Variants in CAMTA1 observed in about 807,000 individuals in gnomAD.
CAMTA1 encodes the protein calmodulin binding transcription activator 1.
CAMTA1 carries 27 observed loss-of-function variants against 170.9 expected under a neutral mutation model. That is an observed-to-expected ratio of 0.16 (90% CI 0.12 to 0.22). The LOEUF is 0.22. CAMTA1 is among the 10% of genes least tolerant of loss of function. The probability of loss-of-function intolerance (pLI) is 1.00; values close to 1 mark genes in which losing one functional copy is unlikely to be tolerated. For synonymous variants in CAMTA1, 833 were observed against 891.5 expected (o/e 0.93, Z 1.17); for missense variants, 1,619 against 2,217.2 (o/e 0.73, Z 5.42).
At chr1:7,413,961 C>T (rs1429960932) in intron 5 of CAMTA1, among the ~76,000 whole-genome samples, 1 of 152,174 alleles carries the variant, frequency 6.6e-6, no homozygotes, top group East Asian at 1.9e-4. Flanking sequence ...GAGCTTTTAG[C>T]ATGAAGGGTT....
intron 3 of CAMTA1, among the ~76,000 whole-genome samples, chr1:6,900,564 A>C (rs61451270): frequency 0.017 from 2,662 of 152,262 alleles, 67 homozygotes; most frequent in African/African-American, 0.06. Context: ...ATAAAAAAAA[A>C]CCCAAGCACC....
intron 3 of CAMTA1, among the ~76,000 whole-genome samples, chr1:7,068,385 T>C (rs1709233423): frequency 1.3e-5 from 2 of 151,896 alleles, no homozygotes; most frequent in African/African-American, 4.8e-5. Flanking sequence ...TAAACGCTTA[T>C]TGAGTTGAAT....
rs1230456052 is a variant in CAMTA1 at position 7,682,351 on chromosome 1, C to T, written c.2914+4618C>T. Among the ~76,000 whole-genome samples the T allele has an allele frequency of 6.6e-6, 1 of 152,356 alleles. No individual in the cohort carries two copies. Among genetic ancestry groups the T allele is most frequent in the East Asian group, 1.9e-4 (1 of 5,184 alleles). Reference sequence around the variant, plus strand: ...CCTGTGACTTCTGGGGCAGCCTGGCCCTGGGGTAGGTGTCTGGGAAGACTG... The same window carrying T: ...CCTGTGACTTCTGGGGCAGCCTGGCTCTGGGGTAGGTGTCTGGGAAGACTG... On this transcript the variant is annotated intron_variant, in intron 11 of 22. Coordinates refer to ENST00000303635, the MANE Select transcript of CAMTA1 (RefSeq NM_015215.4). This position sits in a 1 kb window ranked among gnomAD's most constrained non-coding sequence, Gnocchi z 5.0.
intron 3 of CAMTA1, among the ~76,000 whole-genome samples, chr1:6,949,174 A>T (rs1277014744): frequency 6.6e-6 from 1 of 152,204 alleles, no homozygotes; most frequent in East Asian, 1.9e-4. Context: ...AAATTGTTCC[A>T]TTTCAGCCCC....
chr1:7,386,921 G>A (rs2088070418), intron 5 of CAMTA1, among the ~76,000 whole-genome samples: 1 of 152,184 alleles, frequency 6.6e-6, no homozygotes, highest in Admixed American at 6.5e-5. Flanking sequence ...GACGTTCAGT[G>A]CTGCTGCCTG....
At chr1:7,551,263 A>C (rs1184493196) in intron 6 of CAMTA1, among the ~76,000 whole-genome samples, 1 of 151,500 alleles carries the variant, frequency 6.6e-6, no homozygotes, top group African/African-American at 2.4e-5. Flanking sequence ...GAGGTCGGAC[A>C]AGAGCTGCAG....
At chr1:7,231,319 C>T (rs1662758048) in intron 4 of CAMTA1, among the ~76,000 whole-genome samples, 1 of 113,722 alleles carries the variant, frequency 8.8e-6, no homozygotes, top group African/African-American at 2.8e-5. Context: ...TCATCACATA[C>T]TGGCTTAATG....
intron 6 of CAMTA1, among the ~76,000 whole-genome samples, chr1:7,610,652 G>T (rs2095517732): frequency 6.6e-6 from 1 of 152,232 alleles, no homozygotes. Context: ...CCTGACCCCA[G>T]GGAAGGGAGG....
chr1:7,013,037 A>G (rs550355991), intron 3 of CAMTA1, among the ~76,000 whole-genome samples: 1 of 137,970 alleles, frequency 7.2e-6, no homozygotes, highest in South Asian at 2.2e-4. Flanking sequence ...ATCATCCCTG[A>G]GTCCCCTCTC....
At chr1:6,824,557 C>T (rs957632957) in intron 2 of CAMTA1, among the ~76,000 whole-genome samples, 1 of 152,068 alleles carries the variant, frequency 6.6e-6, no homozygotes, top group African/African-American at 2.4e-5. Context: ...TCTGTATTAC[C>T]TGAGTAGCTA....
chr1:7,590,484 C>T (rs1350646159), intron 6 of CAMTA1, among the ~76,000 whole-genome samples: 1 of 152,218 alleles, frequency 6.6e-6, no homozygotes, highest in East Asian at 1.9e-4. Context: ...CTGCAGTGGC[C>T]CCTTGGGCTG....
At position 7,058,038 on chromosome 1, in the gene CAMTA1, CTGA is replaced by C. The variant is rs146685843; in HGVS notation, c.235-33264_235-33262del. The stretch of plus-strand genomic sequence containing the variant: ...GAGGGGACACAGAGCACAATCCTGG[CTGA>C]TATTCCCTGGGGTAATGTCCAGGCA... On this transcript the variant is annotated intron_variant, in intron 3 of 22. Coordinates refer to ENST00000303635, the MANE Select transcript of CAMTA1 (RefSeq NM_015215.4). Among the ~76,000 whole-genome samples, 308 of 152,306 alleles carry C rather than the reference CTGA, an allele frequency of 2.0e-3. 1 individual carries two copies. Among genetic ancestry groups the C allele is most frequent in the African/African-American group, 7.2e-3 (301 of 41,570 alleles).
chr1:7,735,663 T>C (rs915110381), intron 12 of CAMTA1, among the ~76,000 whole-genome samples: 3 of 152,120 alleles, frequency 2.0e-5, no homozygotes, highest in Admixed American at 6.6e-5. Context: ...CCCTAATAGA[T>C]AGACTCGTGT....
At chr1:6,989,934 G>A (rs907373875) in intron 3 of CAMTA1, among the ~76,000 whole-genome samples, 9 of 152,160 alleles carry the variant, frequency 5.9e-5, no homozygotes, top group African/African-American at 2.2e-4. Context: ...AGGAGAATGG[G>A]GGAGTGGGGC....
At chr1:7,005,116 T>G (rs1698793062) in intron 3 of CAMTA1, among the ~76,000 whole-genome samples, 1 of 152,234 alleles carries the variant, frequency 6.6e-6, no homozygotes, top group South Asian at 2.1e-4. Flanking sequence ...ACAGAGAAGC[T>G]GCAAGATGAT....
chr1:6,870,738 A>G (rs1025463082), intron 3 of CAMTA1, among the ~76,000 whole-genome samples: 34 of 152,220 alleles, frequency 2.2e-4, no homozygotes, highest in African/African-American at 7.7e-4. Context: ...ACTCTTCTGT[A>G]TGGCAGGCCA....
intron 11 of CAMTA1, among the ~76,000 whole-genome samples, chr1:7,731,033 A>T (rs1014790656): frequency 1.1e-4 from 16 of 152,044 alleles, no homozygotes; most frequent in Non-Finnish European, 2.2e-4. Context: ...TTTAACATCG[A>T]TTTAACTCCT....
At chr1:7,028,601 A>G (rs965719975) in intron 3 of CAMTA1, among the ~76,000 whole-genome samples, 2 of 152,074 alleles carry the variant, frequency 1.3e-5, no homozygotes, top group Admixed American at 6.5e-5. Flanking sequence ...GATCATCATA[A>G]CTCTTGGCTG....
intron 3 of CAMTA1, among the ~76,000 whole-genome samples, chr1:6,910,518 G>A (rs1001136152): frequency 2.6e-5 from 4 of 152,180 alleles, no homozygotes; most frequent in African/African-American, 4.8e-5. Flanking sequence ...GAGCAGGGTG[G>A]GGAGGGAAAT....
Sources: allele counts gnomAD v4.1 joint callset (sites outside exome capture counted in the v4.1 genomes callset), GRCh38; gene constraint gnomAD v4.1.1; non-coding constraint Gnocchi (gnomAD v3.1); transcripts MANE v1.5; gene names NCBI Gene and HGNC (gene_info 2026-07-23, HGNC 2026-07-21).